DDX10: variants seen among roughly 807,000 people sequenced by gnomAD.
DDX10 encodes DEAD-box helicase 10.
A neutral mutation model predicts 104.3 loss-of-function variants in DDX10; 74 were observed. The observed-to-expected ratio is 0.71, with a 90% CI of 0.59 to 0.86. The LOEUF (loss-of-function observed/expected upper bound fraction) is 0.86, where lower values mean the gene tolerates loss of function less well. Among genes scored for constraint, DDX10 ranks in the 40% least tolerant of loss-of-function variants. The pLI, the probability that DDX10 is intolerant of heterozygous loss-of-function variation, is 0.00. For synonymous variants in DDX10, 351 were observed against 353.4 expected, an observed-to-expected ratio of 0.99 and a Z score of 0.08; for missense variants, 952 against 1,040.0, an observed-to-expected ratio of 0.92 and a Z score of 1.16.
At chr11:108,830,353 T>C (rs1862451729) in intron 13 of DDX10, among the ~76,000 whole-genome samples, 1 of 152,224 alleles carries the variant, frequency 6.6e-6, no homozygotes, top group African/African-American at 2.4e-5. Flanking sequence ...GATTTGATTC[T>C]CAGCTTGGTC....
intron 6 of DDX10, 123 bp downstream of exon 6, chr11:108,679,683 A>T: frequency 1.5e-6 from 1 of 674,460 alleles, no homozygotes; most frequent in Non-Finnish European, 2.3e-6. Context: ...TATGCAAAGC[A>T]TAGTAAATAT....
intron 13 of DDX10, among the ~76,000 whole-genome samples, chr11:108,825,443 A>T (rs1373194063): frequency 6.6e-6 from 1 of 152,234 alleles, no homozygotes; most frequent in Non-Finnish European, 1.5e-5. Context: ...CTGAAGGAGG[A>T]ATGTAGCAAT....
At chr11:108,885,549 G>C (rs1863285284) in intron 16 of DDX10, among the ~76,000 whole-genome samples, 1 of 151,828 alleles carries the variant, frequency 6.6e-6, no homozygotes, top group South Asian at 2.1e-4. Flanking sequence ...GTAGGGACAG[G>C]GTTTCGGGTT....
chr11:108,803,219 C>T (rs955088271), intron 13 of DDX10, among the ~76,000 whole-genome samples: 4 of 151,514 alleles, frequency 2.6e-5, no homozygotes, highest in African/African-American at 9.7e-5. Flanking sequence ...CTTTCTTACT[C>T]GGTCATTTCC....
chr11:108,727,858 A>G, intron 13 of DDX10: 1 of 204,328 alleles, frequency 4.9e-6, no homozygotes, highest in Non-Finnish European at 1.0e-5. Context: ...CACATAGAAA[A>G]TACATGTGAA....
In DDX10 at chr11:108,667,005, C is replaced by G. The variant is rs117999424; in HGVS notation, c.186+1666C>G. Among the ~76,000 whole-genome samples, 41 of 152,348 alleles carry G rather than the reference C, an allele frequency of 2.7e-4. No individual in the cohort carries two copies. In the East Asian group the frequency reaches 7.7e-3, roughly 29 times the overall value. On this transcript the variant is annotated intron_variant, in intron 1 of 17. Transcript: ENST00000322536. ...CTACTCTTATATCCAGTCGGTCACA[C>G]TGCTGATCTGTTCTGCTTACATTTT...
chr11:108,940,327 GA>G lies in DDX10; in HGVS notation c.2534del (p.Lys845ArgfsTer7), dbSNP rs1864091728. On this transcript the variant is annotated frameshift_variant, in exon 18 of 18. Coordinates refer to ENST00000322536, the MANE Select transcript of DDX10 (RefSeq NM_004398.4). LOFTEE classifies it high-confidence loss of function. ...TGGGACCAACAAGTCATAACAGAAA[GA>G]AGGCCAGGTGGGACACTTTAGAGCC... Reference protein sequence around the residue: ...DVGPTSHNRKKARWDTLEPLD... With the variant: ...DVGPTSHNRKXARWDTLEPLD... 1 of 1,613,944 alleles carries G rather than the reference GA, an allele frequency of 6.2e-7. No individual in the cohort carries two copies. Among genetic ancestry groups the G allele is most frequent in the African/African-American group, 1.3e-5 (1 of 74,906 alleles).
intron 10 of DDX10, among the ~76,000 whole-genome samples, chr11:108,707,255 TCTGC>T (rs1277180440): frequency 6.6e-6 from 1 of 152,208 alleles, no homozygotes; most frequent in African/African-American, 2.4e-5. Context: ...AATCCTGTGC[TCTGC>T]CTATTTATTC....
At chr11:108,806,936 G>T (rs1020916324) in intron 13 of DDX10, among the ~76,000 whole-genome samples, 2 of 152,182 alleles carry the variant, frequency 1.3e-5, no homozygotes, top group Non-Finnish European at 2.9e-5. Context: ...CCTATGATAA[G>T]GAATTTGTGT....
intron 6 of DDX10, among the ~76,000 whole-genome samples, chr11:108,682,601 C>G (rs2094237074): frequency 6.6e-6 from 1 of 152,102 alleles, no homozygotes; most frequent in Non-Finnish European, 1.5e-5. Flanking sequence ...TTATTTGGGT[C>G]CCTTTACTTC....
At chr11:108,907,850 A>G (rs1045474861) in intron 16 of DDX10, among the ~76,000 whole-genome samples, 2 of 152,246 alleles carry the variant, frequency 1.3e-5, no homozygotes, top group Non-Finnish European at 2.9e-5. Flanking sequence ...AATCACCATT[A>G]TAGAATAAAT....
At chr11:108,835,537 G>A (rs1020306114) in intron 13 of DDX10, among the ~76,000 whole-genome samples, 6 of 152,134 alleles carry the variant, frequency 3.9e-5, no homozygotes, top group East Asian at 1.9e-4. Context: ...TGGACAAAAC[G>A]CACAAAATAA....
chr11:108,760,672 A>C (rs1298286604), intron 13 of DDX10, among the ~76,000 whole-genome samples: 1 of 148,216 alleles, frequency 6.7e-6, no homozygotes, highest in Admixed American at 6.7e-5. Flanking sequence ...ACAACATAAC[A>C]CTGTTTTTTT....
chr11:108,683,812 T>C (rs1293913455), intron 6 of DDX10, among the ~76,000 whole-genome samples: 8 of 152,332 alleles, frequency 5.3e-5, no homozygotes, highest in African/African-American at 1.7e-4. Flanking sequence ...TATTAGAATG[T>C]ATGCTGTAAC....
intron 13 of DDX10, among the ~76,000 whole-genome samples, chr11:108,778,857 C>G (rs1439637723): frequency 2.6e-5 from 4 of 152,140 alleles, no homozygotes; most frequent in Non-Finnish European, 2.9e-5. Flanking sequence ...AAAGTCAACC[C>G]CATCAAAAAA....
At chr11:108,666,729 C>T (rs955605069) in intron 1 of DDX10, among the ~76,000 whole-genome samples, 1 of 152,224 alleles carries the variant, frequency 6.6e-6, no homozygotes, top group African/African-American at 2.4e-5. Context: ...CTCTGTTCCT[C>T]TGTTATAAGG....
chr11:108,866,625 ACTT>A (rs1317184061), intron 16 of DDX10, among the ~76,000 whole-genome samples: 2 of 152,344 alleles, frequency 1.3e-5, no homozygotes, highest in African/African-American at 4.8e-5. Context: ...TGTGCTGACT[ACTT>A]TAGGAAGAAC....
intron 13 of DDX10, among the ~76,000 whole-genome samples, chr11:108,765,870 G>T (rs1160970985): frequency 2.0e-5 from 3 of 152,184 alleles, no homozygotes; most frequent in African/African-American, 7.2e-5. Flanking sequence ...TTACTGTAAA[G>T]AACCTTAAAT....
At chr11:108,814,857 C>T (rs972680888) in intron 13 of DDX10, among the ~76,000 whole-genome samples, 3 of 152,114 alleles carry the variant, frequency 2.0e-5, no homozygotes, top group Non-Finnish European at 4.4e-5. Flanking sequence ...ATTAAATAAT[C>T]TAGTGAATTA....
Sources: gnomAD v4.1 joint callset for allele counts (sites outside exome capture counted in the v4.1 genomes callset) on GRCh38, gnomAD v4.1.1 for gene constraint, MANE v1.5 for transcripts, NCBI Gene and HGNC (gene_info 2026-07-23, HGNC 2026-07-21) for gene names.